Variants in FHIT observed in about 807,000 individuals in gnomAD.
FHIT encodes the protein fragile histidine triad diadenosine triphosphatase.
In FHIT, 19 loss-of-function variants were observed where a neutral mutation model predicts 17.9. That is an observed-to-expected ratio of 1.06 (90% CI 0.74 to 1.56). FHIT has a LOEUF of 1.56. FHIT is among the 40% of genes most tolerant of loss of function. The pLI, the probability that FHIT is intolerant of heterozygous loss-of-function variation, is 0.00. For missense variants in FHIT, 248 were observed against 189.2 expected (o/e 1.31, Z -1.82); for synonymous variants, 81 against 69.7 (o/e 1.16, Z -0.81).
chr3:61,123,338 C>A (rs866195753), intron 2 of FHIT, among the ~76,000 whole-genome samples: 4 of 152,110 alleles, frequency 2.6e-5, no homozygotes, highest in Non-Finnish European at 5.9e-5. Context: ...ACATCACACA[C>A]TGGGGCCTTT....
chr3:59,907,357 T>C (rs547181353), intron 8 of FHIT, among the ~76,000 whole-genome samples: 1 of 152,348 alleles, frequency 6.6e-6, no homozygotes, highest in South Asian at 2.1e-4. Context: ...CCTGACCATC[T>C]CTTGGCTAAA....
intron 9 of FHIT, chr3:59,751,232 TTCTCTC>T (rs10577548): frequency 1.1e-5 from 2 of 176,180 alleles, no homozygotes; most frequent in Non-Finnish European, 1.2e-5. Context: ...ATAGATACAT[TTCTCTC>T]TCTCTCTCTC....
chr3:60,151,303 A>C (rs1009749064), intron 5 of FHIT, among the ~76,000 whole-genome samples: 2 of 152,158 alleles, frequency 1.3e-5, no homozygotes, highest in Admixed American at 1.3e-4. Context: ...TCCTGAATAT[A>C]ATATGGTCCA....
At chr3:60,023,863 GA>G (rs1165076735) in intron 5 of FHIT, among the ~76,000 whole-genome samples, 1 of 152,016 alleles carries the variant, frequency 6.6e-6, no homozygotes, top group Non-Finnish European at 1.5e-5. Context: ...TTTAATCTGG[GA>G]AACAATTCTT....
At chr3:60,773,528 G>GC (rs1700114910) in intron 4 of FHIT, among the ~76,000 whole-genome samples, 2 of 151,870 alleles carry the variant, frequency 1.3e-5, no homozygotes, top group African/African-American at 4.8e-5. Flanking sequence ...CAGAATTTCT[G>GC]TTTTTTTTCT....
At chr3:60,792,612 A>C (rs1700822320) in intron 4 of FHIT, among the ~76,000 whole-genome samples, 1 of 152,210 alleles carries the variant, frequency 6.6e-6, no homozygotes. Context: ...ACATGATTAA[A>C]AATGCAAAGA....
intron 7 of FHIT, among the ~76,000 whole-genome samples, chr3:59,953,173 T>C (rs1292948060): frequency 4.6e-5 from 7 of 151,984 alleles, no homozygotes; most frequent in Non-Finnish European, 7.4e-5. Context: ...AAATCTCCCC[T>C]GTCTCTATCT....
intron 5 of FHIT, among the ~76,000 whole-genome samples, chr3:60,412,443 T>A (rs1324068020): frequency 6.6e-6 from 1 of 151,948 alleles, no homozygotes; most frequent in Non-Finnish European, 1.5e-5. Flanking sequence ...CTGCCAGGAT[T>A]TAAATTTTAT....
intron 8 of FHIT, among the ~76,000 whole-genome samples, chr3:59,881,856 C>A (rs1169632131): frequency 6.6e-6 from 1 of 152,110 alleles, no homozygotes; most frequent in Non-Finnish European, 1.5e-5. Context: ...ATAAACCTGT[C>A]CCCATATCAT....
intron 3 of FHIT, among the ~76,000 whole-genome samples, chr3:60,996,849 A>C (rs1046162092): frequency 6.6e-6 from 1 of 152,274 alleles, no homozygotes; most frequent in African/African-American, 2.4e-5. Context: ...AAATCATTGA[A>C]GAAAACTTAA....
chr3:60,621,118 G>T (rs1162279770), intron 4 of FHIT, among the ~76,000 whole-genome samples: 8 of 148,460 alleles, frequency 5.4e-5, no homozygotes, highest in African/African-American at 1.2e-4. Context: ...TCACAGTTTG[G>T]TATTTATGCT....
chr3:59,989,872 G>A (rs540401759), intron 7 of FHIT, among the ~76,000 whole-genome samples: 2 of 152,172 alleles, frequency 1.3e-5, no homozygotes, highest in East Asian at 3.9e-4. Context: ...GACAGATAAA[G>A]AGGATTACTT....
At chr3:60,109,538 A>G (rs1704581165) in intron 5 of FHIT, among the ~76,000 whole-genome samples, 1 of 152,202 alleles carries the variant, frequency 6.6e-6, no homozygotes, top group African/African-American at 2.4e-5. Context: ...TTTATGTTCC[A>G]AAGGCCTCCA....
intron 5 of FHIT, among the ~76,000 whole-genome samples, chr3:60,314,600 T>C (rs1709086035): frequency 6.6e-6 from 1 of 152,188 alleles, no homozygotes; most frequent in Non-Finnish European, 1.5e-5. Context: ...TCCCTACCCA[T>C]AAGGAAGAAA....
intron 5 of FHIT, among the ~76,000 whole-genome samples, chr3:60,410,364 C>T (rs964208973): frequency 6.6e-6 from 1 of 152,274 alleles, no homozygotes; most frequent in South Asian, 2.1e-4. Context: ...GAAAAGAAGA[C>T]AGACAAGCTG....
intron 4 of FHIT, among the ~76,000 whole-genome samples, chr3:60,768,691 A>T (rs1699934205): frequency 6.6e-6 from 1 of 152,238 alleles, no homozygotes; most frequent in Admixed American, 6.5e-5. Context: ...CCAACGGGCT[A>T]CGAGGAAACA....
chr3:60,927,241 T>C (rs1310934677), intron 3 of FHIT, among the ~76,000 whole-genome samples: 1 of 152,210 alleles, frequency 6.6e-6, no homozygotes, highest in African/African-American at 2.4e-5. Flanking sequence ...CCTCCAGTGA[T>C]CTGCCCGCCT....
chr3:59,815,171 G>C (rs540105596), intron 8 of FHIT, among the ~76,000 whole-genome samples: 51 of 152,244 alleles, frequency 3.3e-4, no homozygotes, highest in South Asian at 8.3e-4. Context: ...ATGAGGTCTT[G>C]TCTGTCTGTT....
chr3:60,480,902 G>A (rs1231925118), intron 5 of FHIT, among the ~76,000 whole-genome samples: 1 of 152,212 alleles, frequency 6.6e-6, no homozygotes, highest in Non-Finnish European at 1.5e-5. Flanking sequence ...AGAGGATGGT[G>A]GCCCTCTTCT....
Sources: gnomAD v4.1 joint callset for allele counts (sites outside exome capture counted in the v4.1 genomes callset) on GRCh38, gnomAD v4.1.1 for gene constraint, MANE v1.5 for transcripts, NCBI Gene and HGNC (gene_info 2026-07-23, HGNC 2026-07-21) for gene names.